The following TMEM171 variants were observed in gnomAD, a reference collection of about 807,000 sequenced individuals.
The protein encoded by TMEM171 is transmembrane protein 171, also known as proline-rich protein PRP2.
TMEM171 carries 16 observed loss-of-function variants against 19.1 expected under a neutral mutation model. The ratio of observed to expected loss-of-function variants is 0.84; its 90% CI spans 0.57 to 1.27. The LOEUF is 1.27. Among genes scored for constraint, TMEM171 ranks in the 50% most tolerant of loss-of-function variants. The probability of loss-of-function intolerance (pLI) is 0.00; values close to 1 mark genes in which losing one functional copy is unlikely to be tolerated. For synonymous variants in TMEM171, 153 were observed against 163.4 expected (o/e 0.94, Z 0.48); for missense variants, 429 against 412.7 (o/e 1.04, Z -0.34).
In TMEM171 at chr5:73,131,724, A is replaced by G. The variant is rs1242725230; in HGVS notation, c.969A>G (p.Pro323=). 2 of 1,607,040 alleles carry G rather than the reference A, an allele frequency of 1.2e-6. No individual in the cohort carries two copies. The highest frequency in any genetic ancestry group is 1.7e-6 in the Non-Finnish European group (2 of 1,177,426). ...TFLPLSSEPS[P]P ...TGCCTCTATCTTCTGAGCCTTCCCC[A>G]CCGTAAACTATGGACTCTAGTTCAG... The change falls in exon 4 of 4, where the codon CCA becomes CCG. Residue 323 remains proline (P), a synonymous_variant. Coordinates refer to ENST00000454765, the MANE Select transcript of TMEM171 (RefSeq NM_173490.8).
intron 3 of TMEM171, 108 bp downstream of exon 3, chr5:73,128,639 G>A (rs1744251206): frequency 2.1e-6 from 3 of 1,414,052 alleles, no homozygotes; most frequent in South Asian, 1.3e-5. Flanking sequence ...CTTTTTTGCT[G>A]ATGTTATGTC....
intron 2 of TMEM171, 33 bp from the exon 3 acceptor site, chr5:73,128,357 A>T: frequency 6.2e-7 from 1 of 1,602,674 alleles, no homozygotes; most frequent in African/African-American, 1.3e-5. Context: ...TTTATTACCC[A>T]CCTGTTGTCA....
In TMEM171 at chr5:73,128,460, T is replaced by C; in HGVS notation, c.711T>C (p.Ala237=). The C allele has an allele frequency of 6.2e-7, 1 of 1,614,132 alleles. No homozygotes were observed. The highest frequency in any genetic ancestry group is 8.5e-7 in the Non-Finnish European group (1 of 1,180,014). Residue 237 remains alanine (A), a synonymous_variant, in exon 3 of 4, where the codon GCT becomes GCC. Coordinates refer to ENST00000454765, the MANE Select transcript of TMEM171 (RefSeq NM_173490.8). ...CTGAATCTTCAGCTTCTGCGGTCGC[T>C]GAGAGTCCTGGAACTAACAGTCTGC... ...YFPESSASAV[A]ESPGTNSLLP...
Position 73,120,618 on chromosome 5 carries a change from G to A in TMEM171, c.-147G>A, listed in dbSNP as rs1743976441. 1 of 984,824 alleles carries A rather than the reference G, an allele frequency of 1.0e-6. No homozygotes were observed. 61.0% of individuals were successfully genotyped at this position (984,824 alleles called of 1,614,324 possible). A position where few individuals can be genotyped will look rare whatever the true frequency, so the allele number is the denominator to read the frequency against. ...GGTGCAGGGCGGCCGGCGCAGCCGA[G>A]GCCGCGTGCGGAGGCGGACGCCGCG... On this transcript the variant is annotated 5_prime_UTR_variant, in exon 1 of 4. Transcript: ENST00000454765.
At chr5:73,125,350 A>G (rs1324552440) in intron 2 of TMEM171, among the ~76,000 whole-genome samples, 6 of 152,160 alleles carry the variant, frequency 3.9e-5, no homozygotes, top group African/African-American at 1.4e-4. Context: ...ACAGCAATCC[A>G]AGGGGGCAGA....
At chr5:73,127,384 A>AAAAAAAAAAAAAAATATATATATATAT in intron 2 of TMEM171, among the ~76,000 whole-genome samples, 1 of 81,694 alleles carries the variant, frequency 1.2e-5, no homozygotes, top group Non-Finnish European at 2.2e-5. Context: ...AAAAAAAAAA[A>AAAAAAAAAAAAAAATATATATATATAT]ATATATATAT....
intron 1 of TMEM171, among the ~76,000 whole-genome samples, chr5:73,122,688 C>A (rs996641524): frequency 2.0e-5 from 3 of 152,214 alleles, no homozygotes; most frequent in African/African-American, 7.2e-5. Flanking sequence ...CGCAAGCCAC[C>A]ACGCCTGGCC....
rs1181974685 is a variant in TMEM171 at position 73,123,649 on chromosome 5, T to C, written c.276T>C (p.Gly92=). ...AGCTCCGTGCAGGGCTGCAGAGAGG[T>C]CAGCAGATGGACCCCGACCGAGCCT... The part of the protein sequence containing the change: ...QLQLRAGLQR[G]QQMDPDRAFI... The change falls in exon 2 of 4, where the codon GGT becomes GGC. Residue 92 remains glycine, a synonymous_variant. Transcript: ENST00000454765. The C allele has an allele frequency of 6.2e-7, 1 of 1,613,952 alleles. No homozygotes were observed. The highest frequency in any genetic ancestry group is 8.5e-7 in the Non-Finnish European group (1 of 1,179,982).
intron 2 of TMEM171, among the ~76,000 whole-genome samples, chr5:73,126,869 G>C (rs1744176674): frequency 7.1e-6 from 1 of 140,940 alleles, no homozygotes; most frequent in African/African-American, 2.7e-5. Context: ...GCCCCCAGCA[G>C]TGGTGCTGCC....
At chr5:73,120,810 C>T (rs1045041432) in intron 1 of TMEM171, 114 bp downstream of exon 1, 140 of 915,100 alleles carry the variant, frequency 1.5e-4, no homozygotes, top group Non-Finnish European at 1.7e-4. Context: ...GGTATCCGAG[C>T]CCAACCTGCG....
chr5:73,123,970 A>G lies in TMEM171; in HGVS notation c.597A>G (p.Glu199=). ...CTGGCCAGGATGCCTCTGAGAGAGA[A>G]GAGGGACAGATCCAGATTATGGAGC... ...LNAGQDASER[E]EGQIQIMEPV... The change falls in exon 2 of 4, where the codon GAA becomes GAG. Residue 199 remains glutamate, a synonymous_variant. Coordinates refer to ENST00000454765, the MANE Select transcript of TMEM171 (RefSeq NM_173490.8). 1 of 1,597,718 alleles carries G rather than the reference A, an allele frequency of 6.3e-7. No individual in the cohort carries two copies. The highest frequency in any genetic ancestry group is 1.1e-5 in the South Asian group (1 of 87,914).
chr5:73,126,134 C>T (rs754960373), intron 2 of TMEM171, among the ~76,000 whole-genome samples: 1 of 152,124 alleles, frequency 6.6e-6, no homozygotes, highest in Non-Finnish European at 1.5e-5. Flanking sequence ...GGGCTGGAGA[C>T]CCTTGGAGGT....
In TMEM171 at chr5:73,124,850, A is replaced by G. The variant is rs116138092; in HGVS notation, c.640+837A>G. On this transcript the variant is annotated intron_variant, in intron 2 of 3. Coordinates refer to ENST00000454765, the MANE Select transcript of TMEM171 (RefSeq NM_173490.8). Reference sequence around the variant, plus strand: ...GCCTCAGCTTCACACAACCAAGGAAAAACCCCATCGCTGTTCATTGGCAGA... The same window carrying G: ...GCCTCAGCTTCACACAACCAAGGAAGAACCCCATCGCTGTTCATTGGCAGA... Among the ~76,000 whole-genome samples, 460 of 152,338 alleles carry G rather than the reference A, an allele frequency of 3.0e-3. 2 individuals carry two copies. Among genetic ancestry groups the G allele is most frequent in the African/African-American group, 0.01 (432 of 41,572 alleles).
At position 73,123,312 on chromosome 5, in the gene TMEM171, T is replaced by C. The variant is rs1005897032; in HGVS notation, c.-62T>C. ...TGTTTGGTTGTGTTTGCAGAGCTGC[T>C]GAAATCTTGGAGGGAAGAAAACACA... is the stretch of plus-strand genomic sequence containing the variant. On this transcript the variant is annotated 5_prime_UTR_variant, in exon 2 of 4. Transcript: ENST00000454765. 6.5e-7 allele frequency: 1 copy of C among 1,540,424 alleles called. No homozygotes were observed. Among genetic ancestry groups the C allele is most frequent in the African/African-American group, 1.4e-5 (1 of 72,844 alleles).
At chr5:73,128,780 A>G (rs1020254800) in intron 3 of TMEM171, among the ~76,000 whole-genome samples, 1 of 152,164 alleles carries the variant, frequency 6.6e-6, no homozygotes, top group African/African-American at 2.4e-5. Flanking sequence ...TGCTCCTAAC[A>G]GGGGTGATAC....
intron 3 of TMEM171, 65 bp from the exon 4 acceptor site, chr5:73,131,473 C>T: frequency 7.6e-7 from 1 of 1,310,624 alleles, no homozygotes; most frequent in Non-Finnish European, 1.0e-6. Context: ...TGAAAAGAAC[C>T]TAGTACTAAA....
Position 73,120,626 on chromosome 5 carries a change from G to A in TMEM171, c.-139G>A. ...GCGGCCGGCGCAGCCGAGGCCGCGT[G>A]CGGAGGCGGACGCCGCGCCCAGCCA... On this transcript the variant is annotated 5_prime_UTR_variant, in exon 1 of 4. Coordinates refer to ENST00000454765, the MANE Select transcript of TMEM171 (RefSeq NM_173490.8). 2.0e-6 allele frequency: 2 copies of A among 984,762 alleles called. No individual in the cohort carries two copies. The highest frequency in any genetic ancestry group is 2.4e-6 in the Non-Finnish European group (2 of 829,844). The allele number at this position is 984,762 out of a possible 1,614,324, so 61.0% of individuals were successfully genotyped here. A position where few individuals can be genotyped will look rare whatever the true frequency, so the allele number is the denominator to read the frequency against.
At chr5:73,131,486 G>C in intron 3 of TMEM171, 52 bp from the exon 4 acceptor site, 3 of 1,421,516 alleles carry the variant, frequency 2.1e-6, no homozygotes, top group Non-Finnish European at 9.4e-7. Context: ...GTACTAAAGG[G>C]GTGTCACTGT....
At chr5:73,127,847 C>T (rs939351703) in intron 2 of TMEM171, among the ~76,000 whole-genome samples, 5 of 151,816 alleles carry the variant, frequency 3.3e-5, no homozygotes, top group African/African-American at 1.2e-4. Flanking sequence ...CTCAAGCAGT[C>T]CTCCTATCTC....
Sources: allele counts gnomAD v4.1 joint callset (sites outside exome capture counted in the v4.1 genomes callset), GRCh38; gene constraint gnomAD v4.1.1; transcripts MANE v1.5; gene names NCBI Gene and HGNC (gene_info 2026-07-23, HGNC 2026-07-21).